Variants in TCF7L2 observed in about 807,000 individuals in gnomAD.
TCF7L2 encodes the protein transcription factor 7-like 2.
Under a neutral mutation model 77.9 loss-of-function variants are expected in TCF7L2, and 23 were observed. That is an observed-to-expected ratio of 0.30 (90% CI 0.21 to 0.42). The LOEUF is 0.42. Among genes scored for constraint, TCF7L2 ranks in the 10% least tolerant of loss-of-function variants. The probability of loss-of-function intolerance (pLI) is 1.00; values close to 1 mark genes in which losing one functional copy is unlikely to be tolerated. For missense variants in TCF7L2, 654 were observed against 793.1 expected (o/e 0.82, Z 2.11); for synonymous variants, 413 against 340.2 (o/e 1.21, Z -2.36).
intron 5 of TCF7L2, among the ~76,000 whole-genome samples, chr10:113,125,356 A>C (rs1403623230): frequency 6.6e-6 from 1 of 151,928 alleles, no homozygotes; most frequent in Non-Finnish European, 1.5e-5. Flanking sequence ...CACCATAACT[A>C]AATAGCTTGA....
intron 5 of TCF7L2, among the ~76,000 whole-genome samples, chr10:113,093,080 A>G (rs1298037763): frequency 6.6e-6 from 1 of 152,146 alleles, no homozygotes; most frequent in Non-Finnish European, 1.5e-5. Context: ...GGCGGTGGTC[A>G]TGGGATATTC....
intron 5 of TCF7L2, among the ~76,000 whole-genome samples, chr10:113,065,763 AC>A (rs2057164491): frequency 6.6e-6 from 1 of 151,782 alleles, no homozygotes. Flanking sequence ...AATAATAACT[AC>A]CTCCCTCATA....
chr10:113,144,124 GTGTGTGTGTGTGTA>G, intron 7 of TCF7L2, 99 bp downstream of exon 7: 4 of 947,848 alleles, frequency 4.2e-6, no homozygotes, highest in Non-Finnish European at 6.1e-6. Context: ...GTGTGTGTGT[GTGTGTGTGTGTGTA>G]TGTGTGTGTG....
intron 4 of TCF7L2, among the ~76,000 whole-genome samples, chr10:112,967,432 T>G (rs537463112): frequency 1.3e-5 from 2 of 152,284 alleles, no homozygotes; most frequent in South Asian, 4.1e-4. Flanking sequence ...AAGCTCACTG[T>G]TTATATGAAT....
intron 5 of TCF7L2, among the ~76,000 whole-genome samples, chr10:113,136,957 A>G (rs2067505968): frequency 6.6e-6 from 1 of 151,906 alleles, no homozygotes; most frequent in African/African-American, 2.4e-5. Flanking sequence ...TGTTTCATTT[A>G]TGACAGCTCT....
intron 5 of TCF7L2, among the ~76,000 whole-genome samples, chr10:113,079,760 C>A (rs576786676): frequency 6.6e-6 from 1 of 151,936 alleles, no homozygotes; most frequent in Admixed American, 6.6e-5. Flanking sequence ...CGGGTACAAG[C>A]GATTTTCGTG....
intron 5 of TCF7L2, among the ~76,000 whole-genome samples, chr10:113,088,593 A>G (rs183844013): frequency 2.3e-4 from 35 of 152,326 alleles, no homozygotes; most frequent in African/African-American, 8.2e-4. Context: ...CAAGGGGTCC[A>G]GAATTGGTAG....
intron 5 of TCF7L2, among the ~76,000 whole-genome samples, chr10:113,121,616 C>G (rs970635570): frequency 6.6e-6 from 1 of 152,086 alleles, no homozygotes; most frequent in African/African-American, 2.4e-5. Context: ...AAAGTTACTA[C>G]TACCTAAATT....
intron 12 of TCF7L2, 118 bp from the exon 14 acceptor site, chr10:113,159,802 T>C: frequency 1.5e-6 from 1 of 688,646 alleles, no homozygotes; most frequent in South Asian, 1.7e-5. Flanking sequence ...TTTTTATTTT[T>C]ATTTTTTTCT....
intron 4 of TCF7L2, among the ~76,000 whole-genome samples, chr10:112,966,302 C>T (rs1187418005): frequency 2.0e-5 from 3 of 150,884 alleles, no homozygotes; most frequent in African/African-American, 7.4e-5. Context: ...TTACCCTTCT[C>T]CACTCCTAAC....
chr10:113,119,059 A>G (rs115840148), intron 5 of TCF7L2, among the ~76,000 whole-genome samples: 6,052 of 152,288 alleles, frequency 0.04, 176 homozygotes, highest in African/African-American at 0.08. Flanking sequence ...AGAAAATTGA[A>G]GAAAATGTCA....
At chr10:113,155,981 C>T (rs2071787549) in intron 11 of TCF7L2, among the ~76,000 whole-genome samples, 1 of 152,224 alleles carries the variant, frequency 6.6e-6, no homozygotes, top group African/African-American at 2.4e-5. Context: ...TGCACAGGCC[C>T]CTTCCCCTCA....
chr10:113,165,692 A>T lies in TCF7L2; in HGVS notation c.1529A>T (p.Gln510Leu), dbSNP rs2137650265. The T allele has an allele frequency of 1.3e-6, 2 of 1,595,264 alleles. No individual in the cohort carries two copies. Among genetic ancestry groups the T allele is most frequent in the Non-Finnish European group, 1.7e-6 (2 of 1,175,748 alleles). The change falls in exon 14 of 14, where the codon CAG (glutamine) becomes CTG (leucine). Residue 510 changes from glutamine to leucine, a missense_variant. Gln to Leu is a moderately radical substitution (Grantham distance 113, BLOSUM62 -2). This residue lies in a region of TCF7L2 where 272 missense variants were observed against 215.4 expected (regional missense o/e 1.26). Coordinates refer to ENST00000627217, the MANE Select transcript of TCF7L2 (RefSeq NM_001146274.2). ...TCCCCTCCCCGAGACGCCAAGTCAC[A>T]GACTGAGCAGACCCAGCCTCTGTCG...
intron 5 of TCF7L2, 79 bp from the exon 6 acceptor site, chr10:113,141,105 A>G (rs2136828727): frequency 6.4e-7 from 1 of 1,569,302 alleles, no homozygotes. Flanking sequence ...GGCCAAGGGA[A>G]CCCACGGGCC....
Position 113,115,402 on chromosome 10 carries a change from T to G in TCF7L2, c.553-25782T>G, listed in dbSNP as rs200043227. On this transcript the variant is annotated intron_variant, in intron 5 of 13. Coordinates refer to ENST00000627217, the MANE Select transcript of TCF7L2 (RefSeq NM_001146274.2). ...TGAGGTAAAATGAGTTTTCCTGAAT[T>G]TTTTCCCTTCTTTTCAAATAGAAAT... 1.1e-4 allele frequency among the ~76,000 whole-genome samples: 17 copies of G among 152,212 alleles called. No homozygotes were observed. The East Asian group carries it at 3.3e-3, about 29-fold the overall frequency.
At chr10:113,058,185 A>G (rs991274916) in intron 5 of TCF7L2, among the ~76,000 whole-genome samples, 2 of 152,200 alleles carry the variant, frequency 1.3e-5, no homozygotes, top group African/African-American at 2.4e-5. Flanking sequence ...TTCAGTAACA[A>G]CTTGTGACTG....
chr10:113,016,839 C>T (rs2047415503), intron 4 of TCF7L2, among the ~76,000 whole-genome samples: 1 of 152,158 alleles, frequency 6.6e-6, no homozygotes, highest in South Asian at 2.1e-4. Context: ...AATGCCTCCG[C>T]TGCCCACCAG....
intron 4 of TCF7L2, among the ~76,000 whole-genome samples, chr10:112,993,593 A>T (rs1000900404): frequency 1.3e-5 from 2 of 152,156 alleles, no homozygotes; most frequent in Non-Finnish European, 2.9e-5. Context: ...AGGTTGCAAG[A>T]TTCCTCAGGG....
In TCF7L2 at chr10:113,128,039, T is replaced by G. The variant is rs555626602; in HGVS notation, c.553-13145T>G. 1.1e-4 allele frequency among the ~76,000 whole-genome samples: 16 copies of G among 152,238 alleles called. No homozygotes were observed. The South Asian group carries it at 3.3e-3, about 32-fold the overall frequency. The stretch of plus-strand genomic sequence containing the variant: ...TGCAGTTTACTTAAGAAATTGCGTG[T>G]GTGACAAAAGCAGCTGCCAGGAGTG... On this transcript the variant is annotated intron_variant, in intron 5 of 13. Transcript: ENST00000627217.
Sources: allele counts gnomAD v4.1 joint callset (sites outside exome capture counted in the v4.1 genomes callset), GRCh38; gene constraint gnomAD v4.1.1; regional missense constraint gnomAD v4.1.1; transcripts MANE v1.5; gene names NCBI Gene and HGNC (gene_info 2026-07-23, HGNC 2026-07-21).